The following R3HCC1L variants were observed in gnomAD, a reference collection of about 807,000 sequenced individuals.
R3HCC1L encodes the protein coiled-coil domain-containing protein R3HCC1L.
A neutral mutation model predicts 59.9 loss-of-function variants in R3HCC1L; 51 were observed. The observed-to-expected ratio is 0.85, with a 90% confidence interval of 0.68 to 1.07. The LOEUF (loss-of-function observed/expected upper bound fraction) is 1.07, where lower values mean the gene tolerates loss of function less well. Ranked by LOEUF, R3HCC1L falls within the 50% of genes least tolerant of loss-of-function variation. R3HCC1L has a pLI of 0.00. For synonymous variants in R3HCC1L, 322 were observed against 315.2 expected, an observed-to-expected ratio of 1.02 and a Z score of -0.23; for missense variants, 965 against 933.0, an observed-to-expected ratio of 1.03 and a Z score of -0.45.
chr10:98,216,207 A>C (rs1365864524), intron 5 of R3HCC1L, among the ~76,000 whole-genome samples: 1 of 152,186 alleles, frequency 6.6e-6, no homozygotes. Context: ...TGCCATTTAG[A>C]ATCATTTAAA....
chr10:98,185,106 G>A (rs1850083071), intron 4 of R3HCC1L, among the ~76,000 whole-genome samples: 1 of 152,142 alleles, frequency 6.6e-6, no homozygotes, highest in Non-Finnish European at 1.5e-5. Context: ...GCACCTAGAA[G>A]TCCCATTTCT....
chr10:98,240,850 A>G (rs1159835918), intron 9 of R3HCC1L, among the ~76,000 whole-genome samples: 1 of 110,472 alleles, frequency 9.1e-6, no homozygotes, highest in Admixed American at 9.8e-5. Context: ...TGTAGCGTTT[A>G]CTCATTTTTT....
rs779204238 is a variant in R3HCC1L at position 98,209,294 on chromosome 10, C to G, written c.1180C>G (p.Pro394Ala). Residue 394 changes from proline to alanine, a missense_variant, in exon 5 of 10, where the codon CCT becomes GCT. Pro to Ala is a conservative substitution (Grantham distance 27). Coordinates refer to ENST00000298999, the MANE Select transcript of R3HCC1L (RefSeq NM_001351015.2). Reference protein sequence around the residue: ...SCSDHVTVDSPYVVAVRIADE... With the variant: ...SCSDHVTVDSAYVVAVRIADE... ...TAGTGATCATGTAACTGTTGATAGCCCTTATGTAGTTGCAGTTAGAATAGC... is the reference window on the plus strand; with the variant it reads ...TAGTGATCATGTAACTGTTGATAGCGCTTATGTAGTTGCAGTTAGAATAGC... 6 of 1,613,648 alleles carry G rather than the reference C, an allele frequency of 3.7e-6. No individual in the cohort carries two copies. The East Asian group carries it at 8.9e-5, about 24-fold the overall frequency.
intron 2 of R3HCC1L, among the ~76,000 whole-genome samples, chr10:98,159,996 T>C (rs1374276602): frequency 1.3e-5 from 2 of 152,198 alleles, no homozygotes; most frequent in Non-Finnish European, 2.9e-5. Context: ...TTAAAAGCAG[T>C]GAGTTTATAC....
chr10:98,183,757 A>G (rs1564659826), intron 4 of R3HCC1L, among the ~76,000 whole-genome samples: 1 of 151,896 alleles, frequency 6.6e-6, no homozygotes, highest in Non-Finnish European at 1.5e-5. Flanking sequence ...CTGTTACTAT[A>G]TTTTTATTTC....
chr10:98,164,739 G>A (rs751369761), intron 4 of R3HCC1L, among the ~76,000 whole-genome samples: 3 of 152,152 alleles, frequency 2.0e-5, no homozygotes, highest in Non-Finnish European at 4.4e-5. Context: ...CAGCAGTTGG[G>A]GAAGATGGAC....
intron 9 of R3HCC1L, among the ~76,000 whole-genome samples, chr10:98,238,301 C>T (rs1046420859): frequency 6.6e-6 from 1 of 152,148 alleles, no homozygotes; most frequent in African/African-American, 2.4e-5. Flanking sequence ...ACTGTGTTCC[C>T]TGTTTAGGAG....
At chr10:98,189,626 G>A (rs1010383895) in intron 4 of R3HCC1L, among the ~76,000 whole-genome samples, 3 of 152,026 alleles carry the variant, frequency 2.0e-5, no homozygotes, top group Non-Finnish European at 4.4e-5. Context: ...TTGAATAGAA[G>A]TAAAAATGAA....
At chr10:98,207,218 G>T (rs988398131) in intron 4 of R3HCC1L, among the ~76,000 whole-genome samples, 1 of 151,996 alleles carries the variant, frequency 6.6e-6, no homozygotes, top group Non-Finnish European at 1.5e-5. Context: ...TCTTTGTCCT[G>T]GACAAACTTA....
rs1263012592 is a variant in R3HCC1L at position 98,209,612 on chromosome 10, C to CT, written c.1501dup (p.Ser501PhefsTer8). On this transcript the variant is annotated frameshift_variant, in exon 5 of 10. Transcript: ENST00000298999. LOFTEE classifies it high-confidence loss of function. ...CAGTATGTTAAATGGGACAAAAGTT[C>CT]TTTCAGACAGTGCCGTGGGCATTGA... The CT allele has an allele frequency of 1.9e-6, 3 of 1,614,012 alleles. No individual in the cohort carries two copies. The highest frequency in any genetic ancestry group is 2.5e-6 in the Non-Finnish European group (3 of 1,179,974).
At chr10:98,207,168 A>G (rs996358013) in intron 4 of R3HCC1L, among the ~76,000 whole-genome samples, 2 of 152,148 alleles carry the variant, frequency 1.3e-5, no homozygotes, top group Admixed American at 1.3e-4. Context: ...ATCTGTGTGT[A>G]TGTGGGTGTT....
chr10:98,212,282 T>A (rs1278028560), intron 5 of R3HCC1L, among the ~76,000 whole-genome samples: 1 of 152,162 alleles, frequency 6.6e-6, no homozygotes, highest in Admixed American at 6.6e-5. Context: ...TAAAGCAGAG[T>A]GAGTGCCTGC....
intron 1 of R3HCC1L, among the ~76,000 whole-genome samples, chr10:98,155,775 T>C (rs1846792117): frequency 1.3e-5 from 2 of 151,914 alleles, no homozygotes; most frequent in African/African-American, 4.8e-5. Context: ...AAATAATGTA[T>C]GTACAATGCT....
At chr10:98,191,275 G>A (rs2134846791) in intron 4 of R3HCC1L, among the ~76,000 whole-genome samples, 1 of 152,286 alleles carries the variant, frequency 6.6e-6, no homozygotes, top group Non-Finnish European at 1.5e-5. Flanking sequence ...CACCAACAGT[G>A]TAAAAGCATT....
intron 7 of R3HCC1L, 36 bp downstream of exon 7, chr10:98,234,552 T>C (rs769113660): frequency 1.8e-5 from 28 of 1,566,524 alleles, no homozygotes; most frequent in Admixed American, 1.4e-4. Flanking sequence ...TCCTTTCTTA[T>C]TGTTCATTTT....
intron 7 of R3HCC1L, 92 bp from the exon 8 acceptor site, chr10:98,235,333 A>G (rs1362600903): frequency 8.4e-6 from 9 of 1,075,464 alleles, no homozygotes; most frequent in Non-Finnish European, 1.2e-5. Flanking sequence ...AAAAAAAAGC[A>G]TAACATCTAG....
chr10:98,196,074 G>A (rs1851399077), intron 4 of R3HCC1L, among the ~76,000 whole-genome samples: 1 of 152,104 alleles, frequency 6.6e-6, no homozygotes, highest in African/African-American at 2.4e-5. Context: ...GTGAATAGAG[G>A]AGTGCAAAAT....
rs544877366 is a variant in R3HCC1L at position 98,180,391 on chromosome 10, A to T, written c.-15+16994A>T. On this transcript the variant is annotated intron_variant, in intron 4 of 9. Transcript: ENST00000298999. ...GTTTTGAGTGAGTTTCTTAATCCTG[A>T]GTTCTACTTTGATTGCACTATGGTC... 6.6e-5 allele frequency among the ~76,000 whole-genome samples: 10 copies of T among 152,258 alleles called. No homozygotes were observed. The South Asian group carries it at 2.1e-3, about 32-fold the overall frequency.
At chr10:98,215,759 A>G (rs1033447981) in intron 5 of R3HCC1L, among the ~76,000 whole-genome samples, 1 of 152,358 alleles carries the variant, frequency 6.6e-6, no homozygotes, top group Admixed American at 6.5e-5. Context: ...GCAGGAAGCA[A>G]TAACAATATG....
Sources: allele counts gnomAD v4.1 joint callset (sites outside exome capture counted in the v4.1 genomes callset), GRCh38; gene constraint gnomAD v4.1.1; transcripts MANE v1.5; gene names NCBI Gene and HGNC (gene_info 2026-07-23, HGNC 2026-07-21).